ADIPOR2: variants seen among roughly 807,000 people sequenced by gnomAD.
ADIPOR2 encodes the protein adiponectin receptor protein 2.
In ADIPOR2, 18 loss-of-function variants were observed where a neutral mutation model predicts 40.9. The ratio of observed to expected loss-of-function variants is 0.44; its 90% CI spans 0.30 to 0.65. ADIPOR2 has a LOEUF of 0.65. Among genes scored for constraint, ADIPOR2 ranks in the 30% least tolerant of loss-of-function variants. ADIPOR2 has a pLI of 0.09. For synonymous variants in ADIPOR2, 165 were observed against 166.4 expected (o/e 0.99, Z 0.06); for missense variants, 283 against 479.2 (o/e 0.59, Z 3.82).
At position 1,691,078 on chromosome 12, in the gene ADIPOR2, C is replaced by G. The variant is rs909956502; in HGVS notation, c.-200C>G. ...GGCGAGAGCGCGATTCCAGAAGCGG[C>G]ATCGCGGCGGCGGCAGCGGCGGCGG... On this transcript the variant is annotated 5_prime_UTR_variant, in exon 1 of 8. Transcript: ENST00000357103. 3 of 164,860 alleles carry G rather than the reference C, an allele frequency of 1.8e-5. No individual in the cohort carries two copies. The highest frequency in any genetic ancestry group is 7.2e-5 in the African/African-American group (3 of 41,512). 10.2% of individuals were successfully genotyped at this position (164,860 alleles called of 1,614,324 possible). A position where few individuals can be genotyped will look rare whatever the true frequency, so the allele number is the denominator to read the frequency against.
intron 1 of ADIPOR2, among the ~76,000 whole-genome samples, chr12:1,752,115 A>G (rs1404430795): frequency 6.8e-6 from 1 of 147,586 alleles, no homozygotes; most frequent in African/African-American, 2.5e-5. Context: ...TTGTATTTTT[A>G]GTAGAGGGTT....
chr12:1,757,960 A>C, intron 2 of ADIPOR2: 1 of 1,056,124 alleles, frequency 9.5e-7, no homozygotes, highest in Admixed American at 1.7e-5. Context: ...TCCAGCATCC[A>C]ATGCTTTGGA....
rs142183464 is a variant in ADIPOR2, at chr12:1,720,499, C to T, written c.-87+29308C>T. On this transcript the variant is annotated intron_variant, in intron 1 of 7. Coordinates refer to ENST00000357103, the MANE Select transcript of ADIPOR2 (RefSeq NM_024551.3). Reference sequence around the variant, plus strand: ...GAGCCCTGAGCTTGTTCTTTCACAGCTAGACTGTCCCATATGGGAGTGATG... The same window carrying T: ...GAGCCCTGAGCTTGTTCTTTCACAGTTAGACTGTCCCATATGGGAGTGATG... 2.0e-5 allele frequency among the ~76,000 whole-genome samples: 3 copies of T among 152,312 alleles called. No individual in the cohort carries two copies. The East Asian group carries it at 5.8e-4, about 29-fold the overall frequency.
At chr12:1,705,747 G>A (rs1262802193) in intron 1 of ADIPOR2, among the ~76,000 whole-genome samples, 1 of 152,144 alleles carries the variant, frequency 6.6e-6, no homozygotes, top group African/African-American at 2.4e-5. Context: ...GTTGTAGAAA[G>A]ACTTTTCTCC....
At chr12:1,725,775 G>A (rs1733858869) in intron 1 of ADIPOR2, among the ~76,000 whole-genome samples, 1 of 151,988 alleles carries the variant, frequency 6.6e-6, no homozygotes, top group African/African-American at 2.4e-5. Context: ...TAATAATAAA[G>A]CCTACGTTAA....
chr12:1,745,478 T>A (rs2094753010), intron 1 of ADIPOR2, among the ~76,000 whole-genome samples: 1 of 152,226 alleles, frequency 6.6e-6, no homozygotes, highest in Non-Finnish European at 1.5e-5. Flanking sequence ...GTCTATGGTA[T>A]TGGCTGTTGT....
At chr12:1,780,279 G>A in intron 4 of ADIPOR2, 172 bp from the exon 5 acceptor site, 1 of 575,136 alleles carries the variant, frequency 1.7e-6, no homozygotes, top group Non-Finnish European at 2.8e-6. Context: ...TACCAACAAT[G>A]TTGGAAGTAA....
intron 1 of ADIPOR2, among the ~76,000 whole-genome samples, chr12:1,729,793 A>T (rs1244775948): frequency 6.6e-6 from 1 of 152,062 alleles, no homozygotes; most frequent in African/African-American, 2.4e-5. Flanking sequence ...TTTCTTAGAG[A>T]AATGTCATTT....
At position 1,786,260 on chromosome 12, in the gene ADIPOR2, C is replaced by G; in HGVS notation, c.*188C>G. ...AGAAAAACAAAAATAAATCATACCT[C>G]AAAGGATGGAGTGCATCAATTGGGA... On this transcript the variant is annotated 3_prime_UTR_variant, in exon 8 of 8. Transcript: ENST00000357103. 1 of 660,550 alleles carries G rather than the reference C, an allele frequency of 1.5e-6. No individual in the cohort carries two copies. Among genetic ancestry groups the G allele is most frequent in the Non-Finnish European group, 2.4e-6 (1 of 417,386 alleles). 40.9% of individuals were successfully genotyped at this position (660,550 alleles called of 1,614,324 possible).
At chr12:1,774,619 C>CT (rs1283170601) in intron 3 of ADIPOR2, among the ~76,000 whole-genome samples, 1 of 152,210 alleles carries the variant, frequency 6.6e-6, no homozygotes, top group Admixed American at 6.5e-5. Flanking sequence ...CTTGGTCACT[C>CT]TTTTTTCCCC....
intron 1 of ADIPOR2, among the ~76,000 whole-genome samples, chr12:1,726,434 G>T (rs947606100): frequency 5.9e-5 from 9 of 152,156 alleles, no homozygotes; most frequent in African/African-American, 2.2e-4. Flanking sequence ...CTGCCCTCAG[G>T]TTATCTGCCT....
chr12:1,720,423 G>A (rs1408303372), intron 1 of ADIPOR2, among the ~76,000 whole-genome samples: 3 of 152,124 alleles, frequency 2.0e-5, no homozygotes, highest in Non-Finnish European at 4.4e-5. Flanking sequence ...TTACTACATT[G>A]TAATATATAA....
chr12:1,722,020 A>AG (rs912957500), intron 1 of ADIPOR2, among the ~76,000 whole-genome samples: 10 of 152,202 alleles, frequency 6.6e-5, no homozygotes, highest in Non-Finnish European at 1.2e-4. Context: ...GGGCTGTAGC[A>AG]GGGGGAACGC....
At chr12:1,775,640 T>G (rs1862575649) in intron 3 of ADIPOR2, among the ~76,000 whole-genome samples, 1 of 152,212 alleles carries the variant, frequency 6.6e-6, no homozygotes, top group Non-Finnish European at 1.5e-5. Flanking sequence ...AGGGTTGATT[T>G]CTGTCTTCCT....
chr12:1,767,797 C>G (rs752529602), intron 2 of ADIPOR2, among the ~76,000 whole-genome samples: 3 of 152,064 alleles, frequency 2.0e-5, no homozygotes, highest in Non-Finnish European at 4.4e-5. Context: ...TTACTTGGCC[C>G]TGTTCTGAGT....
chr12:1,691,565 C>G (rs2094627109), intron 1 of ADIPOR2, among the ~76,000 whole-genome samples: 1 of 152,238 alleles, frequency 6.6e-6, no homozygotes, highest in Admixed American at 6.5e-5. Flanking sequence ...ATCTGCCCGC[C>G]CCTCTTCGTC....
intron 1 of ADIPOR2, among the ~76,000 whole-genome samples, chr12:1,717,910 T>C (rs1342871117): frequency 6.6e-6 from 1 of 152,216 alleles, no homozygotes; most frequent in Non-Finnish European, 1.5e-5. Context: ...ATATAATAAG[T>C]ATTTTTTAAA....
intron 4 of ADIPOR2, among the ~76,000 whole-genome samples, chr12:1,779,433 G>A (rs961836354): frequency 6.6e-5 from 10 of 152,180 alleles, no homozygotes; most frequent in Admixed American, 1.3e-4. Context: ...GTCACATGTC[G>A]TTTGATTCTA....
chr12:1,760,205 T>G lies in ADIPOR2; in HGVS notation c.171+5691T>G, dbSNP rs183277974. ...TATTAAAAACTTCTTAGCAACATGC[T>G]TTGCAAAGAAATCTTAACACATTCT... On this transcript the variant is annotated intron_variant, in intron 2 of 7. Coordinates refer to ENST00000357103, the MANE Select transcript of ADIPOR2 (RefSeq NM_024551.3). Among the ~76,000 whole-genome samples the G allele has an allele frequency of 3.6e-3, 551 of 152,260 alleles. 1 individual carries two copies. The highest frequency in any genetic ancestry group is 5.3e-3 in the Non-Finnish European group (358 of 68,018).
Sources: allele counts gnomAD v4.1 joint callset (sites outside exome capture counted in the v4.1 genomes callset), GRCh38; gene constraint gnomAD v4.1.1; transcripts MANE v1.5; gene names NCBI Gene and HGNC (gene_info 2026-07-23, HGNC 2026-07-21).